Variants in PRKAA2 observed in about 807,000 individuals in gnomAD.
PRKAA2 encodes protein kinase AMP-activated catalytic subunit alpha 2.
Under a neutral mutation model 56.3 loss-of-function variants are expected in PRKAA2, and 40 were observed. That is an observed-to-expected ratio of 0.71 (90% CI 0.55 to 0.92). The LOEUF is 0.92. Among genes scored for constraint, PRKAA2 ranks in the 40% least tolerant of loss-of-function variants. The pLI, the probability that PRKAA2 is intolerant of heterozygous loss-of-function variation, is 0.00. For missense variants in PRKAA2, 542 were observed against 686.9 expected (o/e 0.79, Z 2.36); for synonymous variants, 214 against 234.2 (o/e 0.91, Z 0.79).
rs534242413 is a variant in PRKAA2 at position 56,708,526 on chromosome 1, T to C, written c.*813T>C. On this transcript the variant is annotated 3_prime_UTR_variant, in exon 9 of 9. Coordinates refer to ENST00000371244, the MANE Select transcript of PRKAA2 (RefSeq NM_006252.4). Reference sequence around the variant, plus strand: ...TTCTCAAATTCTTTTTGCCTCTATTTATTTTTGCATTTCACCAACAGTGAT... The same window carrying C: ...TTCTCAAATTCTTTTTGCCTCTATTCATTTTTGCATTTCACCAACAGTGAT... 1 of 152,344 alleles carries C rather than the reference T, an allele frequency of 6.6e-6. No individual in the cohort carries two copies. The highest frequency in any genetic ancestry group is 2.1e-4 in the South Asian group (1 of 4,826). The allele number at this position is 152,344 out of a possible 1,614,324, so 9.4% of individuals were successfully genotyped here. A position where few individuals can be genotyped will look rare whatever the true frequency, so the allele number is the denominator to read the frequency against.
At chr1:56,699,809 G>A (rs1432242732) in intron 6 of PRKAA2, among the ~76,000 whole-genome samples, 1 of 152,068 alleles carries the variant, frequency 6.6e-6, no homozygotes, top group African/African-American at 2.4e-5. Flanking sequence ...TTCTGTGTTT[G>A]TGCCTGTTGT....
At position 56,703,965 on chromosome 1, in the gene PRKAA2, T is replaced by A; in HGVS notation, c.789-6T>A. 1 of 1,593,494 alleles carries A rather than the reference T, an allele frequency of 6.3e-7. No individual in the cohort carries two copies. Among genetic ancestry groups the A allele is most frequent in the Non-Finnish European group, 8.5e-7 (1 of 1,170,162 alleles). Reference sequence around the variant, plus strand: ...TTACAATAATGTATTGTGGTGTTTTTCCTAGAGAGCATGAATGGTTTAAAC... The same window carrying A: ...TTACAATAATGTATTGTGGTGTTTTACCTAGAGAGCATGAATGGTTTAAAC... On this transcript the variant is annotated splice_polypyrimidine_tract_variant and splice_region_variant and intron_variant, in intron 6 of 8. Coordinates refer to ENST00000371244, the MANE Select transcript of PRKAA2 (RefSeq NM_006252.4).
At chr1:56,695,705 T>C (rs1644254736) in intron 5 of PRKAA2, among the ~76,000 whole-genome samples, 1 of 152,114 alleles carries the variant, frequency 6.6e-6, no homozygotes, top group Non-Finnish European at 1.5e-5. Flanking sequence ...TAAATGAATT[T>C]GTGACAAATA....
chr1:56,694,315 A>G (rs1020276752), intron 5 of PRKAA2, among the ~76,000 whole-genome samples: 4 of 152,188 alleles, frequency 2.6e-5, no homozygotes, highest in Non-Finnish European at 5.9e-5. Context: ...GTAGTTACTC[A>G]TAACTTATTC....
At chr1:56,687,712 G>T (rs747873906) in intron 2 of PRKAA2, among the ~76,000 whole-genome samples, 3 of 152,050 alleles carry the variant, frequency 2.0e-5, no homozygotes, top group Non-Finnish European at 4.4e-5. Context: ...TCTAACTAAA[G>T]AAAAATCTTA....
rs145292195 is a variant in PRKAA2 at position 56,675,084 on chromosome 1, A to G, written c.236+562A>G. Among the ~76,000 whole-genome samples, 916 of 152,246 alleles carry G rather than the reference A, an allele frequency of 6.0e-3. 5 individuals carry two copies. The highest frequency in any genetic ancestry group is 0.021 in the African/African-American group (873 of 41,572). On this transcript the variant is annotated intron_variant, in intron 2 of 8. Transcript: ENST00000371244. The stretch of plus-strand genomic sequence containing the variant: ...TTATAAACTTAAAAGTTAGGTAAAT[A>G]TTGAGATAAATAAGATAAGTAATTG...
chr1:56,714,167 T>G lies in PRKAA2; in HGVS notation c.*6454T>G, dbSNP rs896888207. On this transcript the variant is annotated 3_prime_UTR_variant, in exon 9 of 9. Coordinates refer to ENST00000371244, the MANE Select transcript of PRKAA2 (RefSeq NM_006252.4). ...ATGCTTTATAAATGAATTTGATGAA[T>G]GGCAGTTTTTATATTTTAACCCTTT... The G allele has an allele frequency of 2.6e-4, 39 of 152,310 alleles. No individual in the cohort carries two copies. The highest frequency in any genetic ancestry group is 5.2e-4 in the Admixed American group (8 of 15,290). The allele number at this position is 152,310 out of a possible 1,614,324, so 9.4% of individuals were successfully genotyped here.
rs139517277 is a variant in PRKAA2 at position 56,652,935 on chromosome 1, C to T, written c.94+7454C>T. On this transcript the variant is annotated intron_variant, in intron 1 of 8. Coordinates refer to ENST00000371244, the MANE Select transcript of PRKAA2 (RefSeq NM_006252.4). ...GCTCTTAATGACTACTTTATCTGTG[C>T]TTTATGATACTTATTAATGTTTATA... Among the ~76,000 whole-genome samples, 914 of 152,214 alleles carry T rather than the reference C, an allele frequency of 6.0e-3. 5 individuals are homozygous for T. The highest frequency in any genetic ancestry group is 0.021 in the African/African-American group (871 of 41,520).
At position 56,696,053 on chromosome 1, in the gene PRKAA2, G is replaced by T. The variant is rs771213351; in HGVS notation, c.682G>T (p.Gly228Trp). The T allele has an allele frequency of 6.2e-7, 1 of 1,612,906 alleles. No homozygotes were observed. The highest frequency in any genetic ancestry group is 1.7e-5 in the Admixed American group (1 of 59,770). The change falls in exon 6 of 9, where the codon GGG becomes TGG. Residue 228 changes from glycine to tryptophan, a missense_variant. This residue lies in a region of PRKAA2 where 198 missense variants were observed against 234.0 expected (regional missense o/e 0.85). Transcript: ENST00000371244. ...ACCTACGTTATTTAAGAAGATCCGA[G>T]GGGGTGTCTTTTATATCCCAGAATA... Reference protein sequence around the residue: ...HVPTLFKKIRGGVFYIPEYLN... With the variant: ...HVPTLFKKIRWGVFYIPEYLN...
intron 1 of PRKAA2, among the ~76,000 whole-genome samples, chr1:56,665,795 G>C (rs1004178785): frequency 1.6e-4 from 24 of 152,116 alleles, no homozygotes; most frequent in African/African-American, 4.8e-4. Flanking sequence ...GATGACCCAT[G>C]ATATTGAGCA....
chr1:56,652,725 A>G (rs190674070), intron 1 of PRKAA2, among the ~76,000 whole-genome samples: 1 of 152,360 alleles, frequency 6.6e-6, no homozygotes, highest in African/African-American at 2.4e-5. Context: ...TTTGGAAAAG[A>G]TAAAATGCTA....
chr1:56,683,829 C>T lies in PRKAA2; in HGVS notation c.237-7565C>T, dbSNP rs1644172955. Among the ~76,000 whole-genome samples the T allele has an allele frequency of 2.0e-5, 3 of 151,974 alleles. No homozygotes were observed. The South Asian group carries it at 6.2e-4, about 32-fold the overall frequency. On this transcript the variant is annotated intron_variant, in intron 2 of 8. Coordinates refer to ENST00000371244, the MANE Select transcript of PRKAA2 (RefSeq NM_006252.4). ...GGAAGATTAGAGTGAGAGATAAGGT[C>T]AGAGACATAAAGGGCATTATAGGCC... is the stretch of plus-strand genomic sequence containing the variant.
At chr1:56,645,630 G>T in intron 1 of PRKAA2, 149 bp downstream of exon 1, 1 of 560,734 alleles carries the variant, frequency 1.8e-6, no homozygotes, top group Non-Finnish European at 2.5e-6. Context: ...CCCCGGGAGG[G>T]TGGCGCGCAC....
At chr1:56,653,164 T>G (rs1368592842) in intron 1 of PRKAA2, among the ~76,000 whole-genome samples, 3 of 151,766 alleles carry the variant, frequency 2.0e-5, no homozygotes, top group Non-Finnish European at 4.4e-5. Flanking sequence ...ATTATGTTTC[T>G]TCTCAAATAC....
chr1:56,711,407 T>C lies in PRKAA2; in HGVS notation c.*3694T>C, dbSNP rs1644368107. 1.3e-5 allele frequency: 2 copies of C among 152,128 alleles called. No individual in the cohort carries two copies. Among genetic ancestry groups the C allele is most frequent in the South Asian group, 2.1e-4 (1 of 4,832 alleles). The allele number at this position is 152,128 out of a possible 1,614,324, so 9.4% of individuals were successfully genotyped here. A position where few individuals can be genotyped will look rare whatever the true frequency, so the allele number is the denominator to read the frequency against. ...GTTAATGTAGGCACCTCACTTTGGA[T>C]TTATAAAATGTAAAAACCTGGAACA... On this transcript the variant is annotated 3_prime_UTR_variant, in exon 9 of 9. Coordinates refer to ENST00000371244, the MANE Select transcript of PRKAA2 (RefSeq NM_006252.4).
intron 1 of PRKAA2, among the ~76,000 whole-genome samples, chr1:56,673,032 AAGTTGACG>A (rs1321436482): frequency 6.6e-6 from 1 of 152,144 alleles, no homozygotes; most frequent in Non-Finnish European, 1.5e-5. Context: ...TTCAAGGCCA[AAGTTGACG>A]AGACTGGCTT....
intron 2 of PRKAA2, among the ~76,000 whole-genome samples, chr1:56,678,075 G>A (rs2064421): frequency 0.48 from 72,442 of 152,024 alleles, 17,547 homozygotes; most frequent in East Asian, 0.64. Context: ...ATTATTTGCT[G>A]TTTTCTGAAG....
chr1:56,706,088 T>G lies in PRKAA2; in HGVS notation c.1294-4T>G. On this transcript the variant is annotated splice_polypyrimidine_tract_variant and splice_region_variant and intron_variant, in intron 7 of 8. Coordinates refer to ENST00000371244, the MANE Select transcript of PRKAA2 (RefSeq NM_006252.4). Reference sequence around the variant, plus strand: ...TTATTATTTTTATTGATTTTTCACTTTAGGTAGTGAATGCATACCATCTTC... The same window carrying G: ...TTATTATTTTTATTGATTTTTCACTGTAGGTAGTGAATGCATACCATCTTC... The G allele has an allele frequency of 6.2e-7, 1 of 1,600,638 alleles. No individual in the cohort carries two copies. Among genetic ancestry groups the G allele is most frequent in the South Asian group, 1.1e-5 (1 of 88,648 alleles).
chr1:56,699,035 G>T (rs1003967327), intron 6 of PRKAA2, among the ~76,000 whole-genome samples: 11 of 152,110 alleles, frequency 7.2e-5, no homozygotes, highest in Non-Finnish European at 1.0e-4. Context: ...GTGCAACTTA[G>T]TTACTTCCCA....
Sources: gnomAD v4.1 joint callset for allele counts (sites outside exome capture counted in the v4.1 genomes callset) on GRCh38, gnomAD v4.1.1 for gene constraint, gnomAD v4.1.1 regional missense constraint, MANE v1.5 for transcripts, NCBI Gene and HGNC (gene_info 2026-07-23, HGNC 2026-07-21) for gene names.